Variants in NOS1 observed in about 807,000 individuals in gnomAD.
NOS1 encodes nitric oxide synthase 1.
Under a neutral mutation model 164.5 loss-of-function variants are expected in NOS1, and 51 were observed. That is an observed-to-expected ratio of 0.31 (90% CI 0.25 to 0.39). The LOEUF is 0.39. NOS1 is among the 10% of genes least tolerant of loss of function. The probability of loss-of-function intolerance (pLI) is 1.00; values close to 1 mark genes in which losing one functional copy is unlikely to be tolerated. For missense variants in NOS1, 1,362 were observed against 1,885.6 expected (o/e 0.72, Z 5.14); for synonymous variants, 719 against 745.8 (o/e 0.96, Z 0.59).
rs1160734594 is a variant in NOS1, at chr12:117,260,638, TGG to T, written c.2223-31_2223-30del. ...GAGGGAAGAGGATGGAGATGAAAAA[TGG>T]GCAACAGAAAAGGGGAGAGAAGATG... On this transcript the variant is annotated intron_variant, in intron 13 of 28. Transcript: ENST00000317775. 1.9e-6 allele frequency: 3 copies of T among 1,599,722 alleles called. No homozygotes were observed. The African/African-American group carries it at 4.0e-5, about 21-fold the overall frequency.
intron 22 of NOS1, among the ~76,000 whole-genome samples, chr12:117,231,206 G>A (rs181513578): frequency 2.3e-3 from 354 of 152,052 alleles, no homozygotes; most frequent in African/African-American, 7.9e-3. Flanking sequence ...AATTCCAGCT[G>A]CTCGGGAGGC....
chr12:117,357,154 C>A (rs1201752711), intron 1 of NOS1, among the ~76,000 whole-genome samples: 3 of 152,158 alleles, frequency 2.0e-5, no homozygotes, highest in Admixed American at 1.3e-4. Flanking sequence ...AAAACCCCGT[C>A]TCTACAAAAA....
In NOS1 at chr12:117,247,405, C is replaced by G; in HGVS notation, c.2766G>C (p.Gly922=). 1 of 1,612,280 alleles carries G rather than the reference C, an allele frequency of 6.2e-7. No homozygotes were observed. The highest frequency in any genetic ancestry group is 8.5e-7 in the Non-Finnish European group (1 of 1,179,332). Residue 922 remains glycine (G), a synonymous_variant, in exon 18 of 29, where the codon GGG becomes GGC. Transcript: ENST00000317775. The part of the protein sequence containing the change: ...GGERILKMRE[G]DELCGQEEAF... ...CCTCTTCCTGCCCACAGAGCTCATCCCCTTCCCTCATCTTCAGGATCCTCT... is the reference window on the plus strand; with the variant it reads ...CCTCTTCCTGCCCACAGAGCTCATCGCCTTCCCTCATCTTCAGGATCCTCT...
intron 22 of NOS1, among the ~76,000 whole-genome samples, chr12:117,230,642 G>T (rs1869132371): frequency 6.6e-6 from 1 of 152,202 alleles, no homozygotes; most frequent in South Asian, 2.1e-4. Context: ...CTCCTGGGTA[G>T]AATTTTTATT....
intron 17 of NOS1, among the ~76,000 whole-genome samples, chr12:117,249,701 G>A (rs1392264862): frequency 6.6e-6 from 1 of 152,024 alleles, no homozygotes. Context: ...AGAAAATATT[G>A]GTGCTTGAAC....
At chr12:117,280,603 A>T in intron 8 of NOS1, 122 bp downstream of exon 8, 2 of 1,001,116 alleles carry the variant, frequency 2.0e-6, no homozygotes, top group Non-Finnish European at 3.0e-6. Flanking sequence ...GCAGGTTTGG[A>T]GAAGAGTAAA....
At chr12:117,325,429 C>T (rs1441233082) in intron 2 of NOS1, among the ~76,000 whole-genome samples, 1 of 152,012 alleles carries the variant, frequency 6.6e-6, no homozygotes, top group Non-Finnish European at 1.5e-5. Flanking sequence ...TTGGTTGTTA[C>T]AAGGATGGAG....
At chr12:117,256,282 C>CTTTTTTTTTTTTTTTTTTTTT (rs1566042530) in intron 16 of NOS1, among the ~76,000 whole-genome samples, 1 of 76,808 alleles carries the variant, frequency 1.3e-5, no homozygotes, top group African/African-American at 1.1e-4. Flanking sequence ...AAGGGATTTT[C>CTTTTTTTTTTTTTTTTTTTTT]TGTTTTTTTT....
chr12:117,256,284 GTT>G (rs57047376), intron 16 of NOS1, among the ~76,000 whole-genome samples: 2 of 118,444 alleles, frequency 1.7e-5, no homozygotes, highest in African/African-American at 3.8e-5. Flanking sequence ...GGGATTTTCT[GTT>G]TTTTTTTTTT....
At chr12:117,358,326 A>C (rs1876950750) in intron 1 of NOS1, among the ~76,000 whole-genome samples, 16 of 142,716 alleles carry the variant, frequency 1.1e-4, no homozygotes. Flanking sequence ...CCATCACAAT[A>C]CCCCCGCCCT....
intron 3 of NOS1, among the ~76,000 whole-genome samples, chr12:117,308,372 A>C (rs35555584): frequency 0.13 from 20,274 of 152,016 alleles, 1,587 homozygotes; most frequent in East Asian, 0.26. Context: ...AGCCAGGTCT[A>C]GTGGCACCAG....
chr12:117,253,821 T>C, intron 16 of NOS1, 67 bp from the exon 17 acceptor site: 2 of 1,064,826 alleles, frequency 1.9e-6, no homozygotes, highest in Non-Finnish European at 1.5e-6. Flanking sequence ...ACACCCTTGA[T>C]GGATCTTCAA....
At chr12:117,322,578 CCT>C (rs1875026148) in intron 2 of NOS1, among the ~76,000 whole-genome samples, 1 of 135,750 alleles carries the variant, frequency 7.4e-6, no homozygotes, top group Non-Finnish European at 1.6e-5. Context: ...CCCCTCCCTC[CCT>C]CTTTTCTTCT....
chr12:117,222,537 C>T (rs1200699523), intron 26 of NOS1, among the ~76,000 whole-genome samples, 178 bp downstream of exon 26: 2 of 152,168 alleles, frequency 1.3e-5, no homozygotes, highest in Admixed American at 1.3e-4. Context: ...TACAGGCGCT[C>T]GGCCTGTTAA....
intron 2 of NOS1, among the ~76,000 whole-genome samples, chr12:117,326,402 C>CA (rs1555260921): frequency 7.4e-5 from 1 of 13,590 alleles, no homozygotes; most frequent in Non-Finnish European, 3.6e-4. Flanking sequence ...AAAAAAAAAA[C>CA]AAAAAAACAA....
Position 117,253,727 on chromosome 12 carries a change from G to A in NOS1, c.2559C>T (p.Val853=), listed in dbSNP as rs949831634. Residue 853 remains valine, a synonymous_variant, in exon 17 of 29, where the codon GTC becomes GTT. Transcript: ENST00000317775. ...RKSYKVRFNS[V]SSYSDSQKSS... ...ATTTTTGGGAGTCAGAGTAGGAGGA[G>A]ACGCTGTTGAATCGGACCTTGTAGC... is the stretch of plus-strand genomic sequence containing the variant. 3.7e-6 allele frequency: 6 copies of A among 1,613,912 alleles called. No individual in the cohort carries two copies. The highest frequency in any genetic ancestry group is 5.1e-6 in the Non-Finnish European group (6 of 1,179,980).
At chr12:117,253,399 C>T (rs1464008916) in intron 17 of NOS1, among the ~76,000 whole-genome samples, 3 of 152,060 alleles carry the variant, frequency 2.0e-5, no homozygotes, top group East Asian at 1.9e-4. Context: ...GGTAATGGGG[C>T]TCTGAGGGAG....
rs1956495037 is a variant in NOS1, at chr12:117,209,455, G to A, written c.*5854C>T. 9.1e-6 allele frequency: 9 copies of A among 985,348 alleles called. No homozygotes were observed. Among genetic ancestry groups the A allele is most frequent in the African/African-American group, 1.7e-5 (1 of 57,244 alleles). 61.0% of individuals were successfully genotyped at this position (985,348 alleles called of 1,614,324 possible). ...CTTAGGAGTCAAATCTGGGCACTTC[G>A]ATGTCCTGGAGTTACTTTCTAAAAG... On this transcript the variant is annotated 3_prime_UTR_variant, in exon 29 of 29. Coordinates refer to ENST00000317775, the MANE Select transcript of NOS1 (RefSeq NM_000620.5).
At chr12:117,337,112 T>A (rs1409233344) in intron 1 of NOS1, among the ~76,000 whole-genome samples, 1 of 103,284 alleles carries the variant, frequency 9.7e-6, no homozygotes, top group African/African-American at 3.3e-5. Context: ...TACTCTTTTT[T>A]TTTTTTTTTT....
Sources: allele counts gnomAD v4.1 joint callset (sites outside exome capture counted in the v4.1 genomes callset), GRCh38; gene constraint gnomAD v4.1.1; transcripts MANE v1.5; gene names NCBI Gene and HGNC (gene_info 2026-07-23, HGNC 2026-07-21).